The following MALRD1 variants were observed in gnomAD, a reference collection of about 807,000 sequenced individuals.
MALRD1 encodes MAM and LDL-receptor class A domain-containing protein 1.
MALRD1 carries 247 observed loss-of-function variants against 242.1 expected under a neutral mutation model. The ratio of observed to expected loss-of-function variants is 1.02; its 90% CI spans 0.92 to 1.13. The LOEUF (loss-of-function observed/expected upper bound fraction) is 1.13, where lower values mean the gene tolerates loss of function less well. Among genes scored for constraint, MALRD1 ranks in the 50% most tolerant of loss-of-function variants. MALRD1 has a pLI of 0.00. For synonymous variants in MALRD1, 995 were observed against 866.6 expected (o/e 1.15, Z -2.60); for missense variants, 2,989 against 2,533.1 (o/e 1.18, Z -3.86).
intron 28 of MALRD1, among the ~76,000 whole-genome samples, chr10:19,435,393 T>C (rs927405695): frequency 3.3e-5 from 5 of 152,062 alleles, no homozygotes; most frequent in African/African-American, 1.2e-4. Context: ...TTATCCAGAT[T>C]TCCTTGGTTT....
Position 19,108,456 on chromosome 10 carries a change from G to A in MALRD1, c.694+4381G>A, listed in dbSNP as rs1363736446. ...GGAGTCTCGCTCTGTCGCCCAGGCC[G>A]GACTGCGGACTGCAGTGGCGCAATC... On this transcript the variant is annotated intron_variant, in intron 5 of 39. Transcript: ENST00000454679. Among the ~76,000 whole-genome samples, 6 of 19,690 alleles carry A rather than the reference G, an allele frequency of 3.0e-4. 1 individual carries two copies. Among genetic ancestry groups the A allele is most frequent in the South Asian group, 3.1e-3 (2 of 642 alleles). 12.9% of individuals were successfully genotyped at this position (19,690 alleles called of 152,430 possible).
intron 14 of MALRD1, among the ~76,000 whole-genome samples, chr10:19,187,516 T>A (rs1202374396): frequency 6.6e-6 from 1 of 151,954 alleles, no homozygotes; most frequent in Admixed American, 6.6e-5. Context: ...TCTGGTGAAT[T>A]TGAACAATAG....
rs1302771087 is a variant in MALRD1, at chr10:19,331,598, C to T, written c.3901+16C>T. The T allele has an allele frequency of 2.6e-6, 4 of 1,545,110 alleles. No individual in the cohort carries two copies. Among genetic ancestry groups the T allele is most frequent in the Non-Finnish European group, 3.5e-6 (4 of 1,142,760 alleles). The stretch of plus-strand genomic sequence containing the variant: ...TTCATTTGCCGTAAGTAAAAGGGTT[C>T]TGTTTTCTTACTTTTGCCTTCAACT... On this transcript the variant is annotated intron_variant, in intron 24 of 39. Transcript: ENST00000454679.
chr10:19,579,308 C>G (rs1836989638), intron 33 of MALRD1, among the ~76,000 whole-genome samples: 1 of 152,144 alleles, frequency 6.6e-6, no homozygotes, highest in Non-Finnish European at 1.5e-5. Context: ...AATGATTTGT[C>G]TCTCATTTGA....
At chr10:19,701,790 C>G (rs1219247148) in intron 38 of MALRD1, among the ~76,000 whole-genome samples, 1 of 137,838 alleles carries the variant, frequency 7.3e-6, no homozygotes, top group Non-Finnish European at 1.5e-5. Flanking sequence ...TCCCCCTTTT[C>G]CTCCTTCTTC....
chr10:19,266,535 T>G (rs1839982030), intron 19 of MALRD1, among the ~76,000 whole-genome samples: 1 of 151,796 alleles, frequency 6.6e-6, no homozygotes, highest in Non-Finnish European at 1.5e-5. Context: ...ATTTCACAAT[T>G]TACATCTTTT....
intron 18 of MALRD1, among the ~76,000 whole-genome samples, chr10:19,225,858 C>G (rs1837778578): frequency 6.6e-6 from 1 of 152,148 alleles, no homozygotes; most frequent in Admixed American, 6.6e-5. Flanking sequence ...CTCTGGCTTT[C>G]TGATATTTCA....
At chr10:19,157,753 T>A (rs1369775068) in intron 12 of MALRD1, among the ~76,000 whole-genome samples, 1 of 152,184 alleles carries the variant, frequency 6.6e-6, no homozygotes, top group Non-Finnish European at 1.5e-5. Context: ...AGCCTTCATT[T>A]TCTGAAATTA....
At chr10:19,107,678 A>G (rs976006055) in intron 5 of MALRD1, among the ~76,000 whole-genome samples, 1 of 144,564 alleles carries the variant, frequency 6.9e-6, no homozygotes, top group Non-Finnish European at 1.5e-5. Context: ...TTTAGTCGTT[A>G]TTTTCTGGTT....
At chr10:19,123,938 G>A (rs995666045) in intron 6 of MALRD1, among the ~76,000 whole-genome samples, 1 of 151,752 alleles carries the variant, frequency 6.6e-6, no homozygotes, top group African/African-American at 2.4e-5. Context: ...GGGTATGGTG[G>A]CTCATGCCTG....
intron 8 of MALRD1, among the ~76,000 whole-genome samples, chr10:19,132,113 T>C (rs899812743): frequency 6.6e-6 from 1 of 152,126 alleles, no homozygotes. Flanking sequence ...AAAATGTAAG[T>C]GCACCCATCT....
chr10:19,283,002 G>T lies in MALRD1; in HGVS notation c.3257-17G>T. Reference sequence around the variant, plus strand: ...CCACTTACTAGCTCACCTTTTCTTTGTTCTACCCCATCCAAGTTATGGAAG... The same window carrying T: ...CCACTTACTAGCTCACCTTTTCTTTTTTCTACCCCATCCAAGTTATGGAAG... On this transcript the variant is annotated splice_polypyrimidine_tract_variant and intron_variant, in intron 20 of 39. Transcript: ENST00000454679. 1 of 1,528,786 alleles carries T rather than the reference G, an allele frequency of 6.5e-7. No homozygotes were observed. 94.7% of individuals were successfully genotyped at this position (1,528,786 alleles called of 1,614,324 possible).
intron 19 of MALRD1, among the ~76,000 whole-genome samples, chr10:19,271,104 C>A (rs1269969939): frequency 1.3e-5 from 2 of 151,762 alleles, no homozygotes; most frequent in Non-Finnish European, 2.9e-5. Flanking sequence ...TTGTACATAC[C>A]CCGTAACCAA....
chr10:19,648,406 A>G (rs1000360846), intron 36 of MALRD1, among the ~76,000 whole-genome samples: 2 of 150,142 alleles, frequency 1.3e-5, no homozygotes, highest in African/African-American at 4.9e-5. Flanking sequence ...GCACCAGGGA[A>G]AGTTTGGAGG....
intron 18 of MALRD1, among the ~76,000 whole-genome samples, chr10:19,241,751 A>G (rs960531311): frequency 1.3e-5 from 2 of 151,738 alleles, no homozygotes; most frequent in African/African-American, 4.8e-5. Context: ...GGTATGTTGG[A>G]TTTTCATTCT....
intron 18 of MALRD1, among the ~76,000 whole-genome samples, chr10:19,229,851 T>C (rs1406168265): frequency 6.6e-6 from 1 of 152,186 alleles, no homozygotes; most frequent in Non-Finnish European, 1.5e-5. Flanking sequence ...AAAGCCTAGC[T>C]ATATTTAATT....
At chr10:19,539,535 C>G (rs1166559520) in intron 32 of MALRD1, among the ~76,000 whole-genome samples, 1 of 152,004 alleles carries the variant, frequency 6.6e-6, no homozygotes, top group Non-Finnish European at 1.5e-5. Flanking sequence ...TTAAATTTTA[C>G]AAAATGGCAT....
chr10:19,618,978 A>C (rs564796778), intron 36 of MALRD1, among the ~76,000 whole-genome samples: 29 of 152,154 alleles, frequency 1.9e-4, no homozygotes, highest in African/African-American at 7.0e-4. Context: ...TGGACCTGTG[A>C]ATAAAATCTG....
intron 16 of MALRD1, among the ~76,000 whole-genome samples, chr10:19,204,626 C>A (rs1018377910): frequency 6.6e-6 from 1 of 152,050 alleles, no homozygotes; most frequent in African/African-American, 2.4e-5. Context: ...GGGGCTCTTT[C>A]CCCCCAACCA....
Sources: allele counts gnomAD v4.1 joint callset (sites outside exome capture counted in the v4.1 genomes callset), GRCh38; gene constraint gnomAD v4.1.1; transcripts MANE v1.5; gene names NCBI Gene and HGNC (gene_info 2026-07-23, HGNC 2026-07-21).